ZNF536: variants seen among roughly 807,000 people sequenced by gnomAD.
ZNF536 encodes zinc finger protein 536.
In ZNF536, 13 loss-of-function variants were observed where a neutral mutation model predicts 84.5. The ratio of observed to expected loss-of-function variants is 0.15; its 90% CI spans 0.10 to 0.24. The LOEUF (loss-of-function observed/expected upper bound fraction) is 0.24, where lower values mean the gene tolerates loss of function less well. ZNF536 is among the 10% of genes least tolerant of loss of function. The probability of loss-of-function intolerance (pLI) is 1.00; values close to 1 mark genes in which losing one functional copy is unlikely to be tolerated. For synonymous variants in ZNF536, 811 were observed against 742.5 expected (o/e 1.09, Z -1.50); for missense variants, 1,536 against 1,747.5 (o/e 0.88, Z 2.16).
chr19:30,548,238 C>T lies in ZNF536; in HGVS notation c.2619C>T (p.Ala873=). 1 of 1,614,222 alleles carries T rather than the reference C, an allele frequency of 6.2e-7. No homozygotes were observed. The change falls in exon 4 of 5, where the codon GCC becomes GCT. Residue 873 remains alanine (A), a synonymous_variant. Coordinates refer to ENST00000355537, the MANE Select transcript of ZNF536 (RefSeq NM_014717.3). Reference sequence around the variant, plus strand: ...CCTCTGGAGATCACTCGGGGCAGGCCACGGGCATGTCTTCGGAGGTCCCCT... The same window carrying T: ...CCTCTGGAGATCACTCGGGGCAGGCTACGGGCATGTCTTCGGAGGTCCCCT... ...VLSSGDHSGQ[A]TGMSSEVPSD... is the part of the protein sequence containing the mutation.
chr19:30,230,262 G>A (rs1367653844), intron 1 of ZNF536, among the ~76,000 whole-genome samples: 2 of 152,206 alleles, frequency 1.3e-5, no homozygotes, highest in East Asian at 3.8e-4. Flanking sequence ...ATGAAAAAAG[G>A]TTAGTACCTC....
At chr19:30,316,842 C>T (rs570003348) in intron 2 of ZNF536, among the ~76,000 whole-genome samples, 119 of 152,308 alleles carry the variant, frequency 7.8e-4, no homozygotes, top group African/African-American at 2.6e-3. Context: ...CGTGGAATCC[C>T]GTGCTGAGCC....
intron 1 of ZNF536, among the ~76,000 whole-genome samples, chr19:30,643,452 T>A: frequency 6.6e-6 from 1 of 152,246 alleles, no homozygotes; most frequent in East Asian, 1.9e-4. Context: ...CACCTTGTCC[T>A]AAACTTTTAT....
intron 1 of ZNF536, among the ~76,000 whole-genome samples, chr19:30,425,690 G>A (rs1483771734): frequency 5.3e-5 from 8 of 152,174 alleles, no homozygotes; most frequent in East Asian, 1.9e-4. Context: ...TATCACTCTC[G>A]TTGGCCTGGA....
At chr19:30,266,817 C>T (rs189772030) in intron 1 of ZNF536, among the ~76,000 whole-genome samples, 53 of 152,244 alleles carry the variant, frequency 3.5e-4, no homozygotes, top group African/African-American at 8.9e-4. Flanking sequence ...TTAAAATTAA[C>T]GGATTTTTTT....
intron 1 of ZNF536, among the ~76,000 whole-genome samples, chr19:30,627,236 C>T (rs1475980349): frequency 1.3e-5 from 2 of 151,798 alleles, no homozygotes; most frequent in African/African-American, 4.8e-5. Context: ...TAGGCCAAGG[C>T]GAGAGGGTCA....
chr19:30,256,469 G>A (rs185954962), intron 1 of ZNF536, among the ~76,000 whole-genome samples: 40 of 152,282 alleles, frequency 2.6e-4, no homozygotes, highest in African/African-American at 9.1e-4. Context: ...CAATAGCGAC[G>A]TATGTTTAAT....
At chr19:30,585,296 C>A (rs1048428714) in intron 1 of ZNF536, among the ~76,000 whole-genome samples, 2 of 152,128 alleles carry the variant, frequency 1.3e-5, no homozygotes, top group Non-Finnish European at 2.9e-5. Context: ...ATGAGGGCAG[C>A]AACCAATGTA....
chr19:30,643,235 A>AT (rs2049330931), intron 1 of ZNF536, among the ~76,000 whole-genome samples: 2 of 152,134 alleles, frequency 1.3e-5, no homozygotes, highest in African/African-American at 2.4e-5. Context: ...GCTGCTGAAA[A>AT]TTGTGCTAAA....
rs980414825 is a variant in ZNF536, at chr19:30,548,483, G to T, written c.2864G>T (p.Gly955Val). 8.1e-6 allele frequency: 13 copies of T among 1,614,050 alleles called. No individual in the cohort carries two copies. In the African/African-American group the frequency reaches 1.6e-4, roughly 20 times the overall value. ...ATGAAAGTCCACGGAGTGGATGGTG[G>T]TGAGGAGAAACCCAGTGGCAAGTCC... Reference protein sequence around the residue: ...PSMKVHGVDGGEEKPSGKSSQ... With the variant: ...PSMKVHGVDGVEEKPSGKSSQ... Residue 955 changes from glycine (G) to valine (V), a missense_variant, in exon 4 of 5, where the codon GGT (glycine) becomes GTT (valine). Gly to Val is a moderately radical substitution (Grantham distance 109). This residue lies in a region of ZNF536 where 624 missense variants were observed against 603.1 expected (regional missense o/e 1.03). Transcript: ENST00000355537.
At chr19:30,275,844 T>A (rs1266919787) in intron 1 of ZNF536, among the ~76,000 whole-genome samples, 4 of 149,518 alleles carry the variant, frequency 2.7e-5, no homozygotes, top group Non-Finnish European at 5.9e-5. Flanking sequence ...TGTGTGAGTG[T>A]GTGTGTGTGT....
intron 1 of ZNF536, among the ~76,000 whole-genome samples, chr19:30,609,146 C>A (rs745373756): frequency 5.3e-5 from 8 of 152,174 alleles, no homozygotes; most frequent in Non-Finnish European, 1.2e-4. Flanking sequence ...ATAGTGCAAT[C>A]CCTTGCCCCA....
intron 1 of ZNF536, among the ~76,000 whole-genome samples, chr19:30,383,214 C>G (rs1043262831): frequency 6.6e-6 from 1 of 152,114 alleles, no homozygotes; most frequent in African/African-American, 2.4e-5. Flanking sequence ...TGCTTGAACC[C>G]AGGAGGCGGA....
chr19:30,454,560 C>T (rs1489601620), intron 2 of ZNF536, among the ~76,000 whole-genome samples: 4 of 152,108 alleles, frequency 2.6e-5, no homozygotes, highest in African/African-American at 7.2e-5. Flanking sequence ...TTTTTATTTT[C>T]GTTTCATTTC....
chr19:30,297,973 C>T (rs1366629180), intron 2 of ZNF536, among the ~76,000 whole-genome samples: 1 of 151,470 alleles, frequency 6.6e-6, no homozygotes, highest in East Asian at 1.9e-4. Flanking sequence ...CTCTGCCTCC[C>T]AGGTTCAAAG....
rs760073444 is a variant in ZNF536 at position 30,254,203 on chromosome 19, T to G, written c.-190+25530T>G. Among the ~76,000 whole-genome samples, 52 of 152,180 alleles carry G rather than the reference T, an allele frequency of 3.4e-4. 1 individual carries two copies. Among genetic ancestry groups the G allele is most frequent in the Admixed American group, 3.2e-3 (49 of 15,270 alleles). Reference sequence around the variant, plus strand: ...TATATGCTCCATGTCAGAATGCCATTGTCTCCTGGGTAAAGACGGAGAGTT... The same window carrying G: ...TATATGCTCCATGTCAGAATGCCATGGTCTCCTGGGTAAAGACGGAGAGTT... On this transcript the variant is annotated intron_variant, in intron 1 of 5. Transcript: ENST00000585628.
intron 1 of ZNF536, among the ~76,000 whole-genome samples, chr19:30,580,710 T>C (rs1568572855): frequency 6.6e-6 from 1 of 152,154 alleles, no homozygotes; most frequent in South Asian, 2.1e-4. Flanking sequence ...GCAGAAACAA[T>C]AGGGTCTCGA....
At chr19:30,343,751 C>A (rs931795446) in intron 2 of ZNF536, among the ~76,000 whole-genome samples, 11 of 152,060 alleles carry the variant, frequency 7.2e-5, no homozygotes, top group African/African-American at 2.4e-4. Context: ...CCTTTCGATG[C>A]GAAACACTAG....
At chr19:30,289,903 C>A (rs1231944997) in intron 2 of ZNF536, among the ~76,000 whole-genome samples, 2 of 152,182 alleles carry the variant, frequency 1.3e-5, no homozygotes, top group African/African-American at 4.8e-5. Context: ...AACTTACTAT[C>A]TTGACCATTT....
Sources: gnomAD v4.1 joint callset for allele counts (sites outside exome capture counted in the v4.1 genomes callset) on GRCh38, gnomAD v4.1.1 for gene constraint, gnomAD v4.1.1 regional missense constraint, MANE v1.5 for transcripts, NCBI Gene and HGNC (gene_info 2026-07-23, HGNC 2026-07-21) for gene names.